The following PACS1 variants were observed in gnomAD, a reference collection of about 807,000 sequenced individuals.
PACS1 encodes phosphofurin acidic cluster sorting protein 1, also known as PACS-1.
In PACS1, 24 loss-of-function variants were observed where a neutral mutation model predicts 115.0. The observed-to-expected ratio is 0.21, with a 90% CI of 0.15 to 0.29. The LOEUF (loss-of-function observed/expected upper bound fraction) is 0.29, where lower values mean the gene tolerates loss of function less well. Among genes scored for constraint, PACS1 ranks in the 10% least tolerant of loss-of-function variants. The pLI is 1.00. For synonymous variants in PACS1, 453 were observed against 504.5 expected (o/e 0.90, Z 1.37); for missense variants, 838 against 1,251.2 (o/e 0.67, Z 4.98).
intron 1 of PACS1, among the ~76,000 whole-genome samples, chr11:66,191,556 G>C (rs530404843): frequency 3.2e-4 from 49 of 152,264 alleles, no homozygotes; most frequent in African/African-American, 1.1e-3. Context: ...TGCATGCGTA[G>C]AACAGTGAGC....
At chr11:66,234,336 C>G (rs1855664027) in intron 17 of PACS1, 94 bp downstream of exon 17, 2 of 813,140 alleles carry the variant, frequency 2.5e-6, no homozygotes, top group Non-Finnish European at 4.4e-6. Flanking sequence ...CTGCTTTCCT[C>G]CCTGCAGCTC....
intron 1 of PACS1, among the ~76,000 whole-genome samples, chr11:66,128,865 C>T (rs1347721816): frequency 6.9e-6 from 1 of 145,676 alleles, no homozygotes; most frequent in African/African-American, 2.6e-5. Flanking sequence ...TCCTGGGCAA[C>T]AGAGCCGGAC....
chr11:66,202,615 G>A (rs1214553517), intron 2 of PACS1, among the ~76,000 whole-genome samples: 1 of 150,884 alleles, frequency 6.6e-6, no homozygotes, highest in Non-Finnish European at 1.5e-5. Context: ...ATGGCTGGGT[G>A]TTGTGGCTCC....
chr11:66,165,046 T>C (rs1354567757), intron 1 of PACS1, among the ~76,000 whole-genome samples: 2 of 152,196 alleles, frequency 1.3e-5, no homozygotes, highest in Non-Finnish European at 2.9e-5. Flanking sequence ...AATCTTGTCC[T>C]CTGTCCTCAC....
intron 1 of PACS1, among the ~76,000 whole-genome samples, chr11:66,113,813 AT>A (rs1469940739): frequency 6.6e-6 from 1 of 151,968 alleles, no homozygotes; most frequent in Non-Finnish European, 1.5e-5. Context: ...TTCATCTTTT[AT>A]TTTTCCTCCC....
At chr11:66,144,059 G>A (rs1859062820) in intron 1 of PACS1, among the ~76,000 whole-genome samples, 1 of 152,194 alleles carries the variant, frequency 6.6e-6, no homozygotes, top group South Asian at 2.1e-4. Context: ...GTGTCAACAT[G>A]GTAACAATAT....
intron 23 of PACS1, 55 bp downstream of exon 23, chr11:66,243,086 C>G: frequency 6.2e-7 from 1 of 1,612,442 alleles, no homozygotes; most frequent in African/African-American, 1.3e-5. Context: ...GAGAGGGAGG[C>G]AGGCAATGGC....
intron 1 of PACS1, among the ~76,000 whole-genome samples, chr11:66,186,545 T>C (rs956621920): frequency 1.3e-5 from 2 of 152,220 alleles, no homozygotes; most frequent in Admixed American, 1.3e-4. Context: ...ACTACATAAT[T>C]TACCTAATTA....
intron 1 of PACS1, among the ~76,000 whole-genome samples, chr11:66,174,619 G>A (rs887970213): frequency 6.6e-6 from 1 of 152,178 alleles, no homozygotes; most frequent in Non-Finnish European, 1.5e-5. Context: ...TTCAAAACAT[G>A]TTAAATGAAA....
intron 1 of PACS1, among the ~76,000 whole-genome samples, chr11:66,087,719 A>G (rs1009090619): frequency 1.2e-4 from 18 of 152,194 alleles, no homozygotes; most frequent in African/African-American, 4.1e-4. Context: ...AGTTTGGGCT[A>G]TGCTGAATAG....
intron 10 of PACS1, 113 bp downstream of exon 10, chr11:66,221,360 C>A: frequency 1.1e-6 from 1 of 926,824 alleles, no homozygotes; most frequent in Non-Finnish European, 1.7e-6. Context: ...GAAAAGTGGC[C>A]CCATTGGCTG....
Position 66,230,789 on chromosome 11 carries a change from T to G in PACS1, c.1491-16T>G. 6.2e-7 allele frequency: 1 copy of G among 1,614,034 alleles called. No homozygotes were observed. The highest frequency in any genetic ancestry group is 8.5e-7 in the Non-Finnish European group (1 of 1,179,926). ...GGAGGGGCTATTTCACCAGCCTTTTTCCACCTCCCTGGCAGCAAAGTGGAG... is the reference window on the plus strand; with the variant it reads ...GGAGGGGCTATTTCACCAGCCTTTTGCCACCTCCCTGGCAGCAAAGTGGAG... On this transcript the variant is annotated splice_polypyrimidine_tract_variant and intron_variant, in intron 12 of 23. Coordinates refer to ENST00000320580, the MANE Select transcript of PACS1 (RefSeq NM_018026.4).
At chr11:66,196,924 A>C (rs1007369519) in intron 2 of PACS1, among the ~76,000 whole-genome samples, 2 of 152,210 alleles carry the variant, frequency 1.3e-5, no homozygotes, top group African/African-American at 4.8e-5. Flanking sequence ...AGTAAAAATT[A>C]GAATTTTGGA....
At chr11:66,173,100 T>TG (rs1305121128) in intron 1 of PACS1, among the ~76,000 whole-genome samples, 8 of 151,028 alleles carry the variant, frequency 5.3e-5, no homozygotes, top group East Asian at 3.9e-4. Flanking sequence ...GGTTTTTTTT[T>TG]TTTGTTTTTT....
chr11:66,120,057 T>A (rs1176834111), intron 1 of PACS1, among the ~76,000 whole-genome samples: 2 of 152,084 alleles, frequency 1.3e-5, no homozygotes, highest in Non-Finnish European at 2.9e-5. Context: ...AAGAATGACC[T>A]CATGAGAATG....
In PACS1 at chr11:66,221,262, G is replaced by A. The variant is rs373699485; in HGVS notation, c.1293+15G>A. On this transcript the variant is annotated intron_variant, in intron 10 of 23. Transcript: ENST00000320580. The stretch of plus-strand genomic sequence containing the variant: ...CCACCAGCCCTGTGAGCGCAACCGC[G>A]ACTGCGGGGCGGGGTGGGACCGTGG... 8.8e-5 allele frequency: 142 copies of A among 1,611,056 alleles called. 1 individual carries two copies. Among genetic ancestry groups the A allele is most frequent in the Middle Eastern group, 1.7e-4 (1 of 6,028 alleles).
At chr11:66,082,546 A>ATAAAATGTTTGTTTG (rs1857503268) in intron 1 of PACS1, among the ~76,000 whole-genome samples, 1 of 152,176 alleles carries the variant, frequency 6.6e-6, no homozygotes, top group East Asian at 1.9e-4. Flanking sequence ...ATGAAGATAG[A>ATAAAATGTTTGTTTG]TAAAATGTTT....
intron 1 of PACS1, among the ~76,000 whole-genome samples, chr11:66,142,760 G>GAA (rs994005935): frequency 6.6e-6 from 1 of 150,458 alleles, no homozygotes; most frequent in African/African-American, 2.4e-5. Context: ...TCTACTAAGA[G>GAA]AAAAAAAAAG....
At chr11:66,103,131 A>G (rs900485871) in intron 1 of PACS1, among the ~76,000 whole-genome samples, 1 of 152,064 alleles carries the variant, frequency 6.6e-6, no homozygotes, top group African/African-American at 2.4e-5. Flanking sequence ...AAGCCTGGCC[A>G]ACCTGTGAGT....
Sources: gnomAD v4.1 joint callset for allele counts (sites outside exome capture counted in the v4.1 genomes callset) on GRCh38, gnomAD v4.1.1 for gene constraint, MANE v1.5 for transcripts, NCBI Gene and HGNC (gene_info 2026-07-23, HGNC 2026-07-21) for gene names.